Variants in FRMPD4 observed in about 807,000 individuals in gnomAD.
FRMPD4 encodes FERM and PDZ domain-containing protein 4.
In FRMPD4, 22 loss-of-function variants were observed where a neutral mutation model predicts 94.1. The observed-to-expected ratio is 0.23, with a 90% CI of 0.17 to 0.33. The LOEUF is 0.33. Ranked by LOEUF, FRMPD4 falls within the 10% of genes least tolerant of loss-of-function variation. The probability of loss-of-function intolerance (pLI) is 1.00; values close to 1 mark genes in which losing one functional copy is unlikely to be tolerated. For missense variants in FRMPD4, 1,111 were observed against 1,339.9 expected, an observed-to-expected ratio of 0.83 and a Z score of 2.67; for synonymous variants, 631 against 548.6, an observed-to-expected ratio of 1.15 and a Z score of -2.10.
At chrX:12,359,995 G>C (rs2055959579) in intron 1 of FRMPD4, among the ~76,000 whole-genome samples, 2 of 112,002 alleles carry the variant, frequency 1.8e-5, no homozygotes, top group African/African-American at 6.5e-5. Context: ...AATCACGCTT[G>C]ATGGAGCTGC....
intron 3 of FRMPD4, among the ~76,000 whole-genome samples, chrX:11,898,418 AGTCT>A (rs2053916364): frequency 9.0e-6 from 1 of 111,297 alleles, no homozygotes; most frequent in African/African-American, 3.3e-5. Flanking sequence ...CCTCTTTATC[AGTCT>A]GTCTCCTCTC....
At chrX:11,946,361 T>C (rs1307864448) in intron 3 of FRMPD4, among the ~76,000 whole-genome samples, 1 of 111,846 alleles carries the variant, frequency 8.9e-6, no homozygotes, top group East Asian at 2.8e-4. Context: ...CTAGACACAT[T>C]GTAGGGTTGC....
chrX:12,586,021 G>A (rs1217132510), intron 2 of FRMPD4, among the ~76,000 whole-genome samples: 1 of 112,337 alleles, frequency 8.9e-6, no homozygotes, highest in Non-Finnish European at 1.9e-5. Context: ...ACTTCAGGAA[G>A]AGCCTATTCA....
At chrX:12,512,077 C>G (rs975079940) in intron 2 of FRMPD4, among the ~76,000 whole-genome samples, 2 of 112,075 alleles carry the variant, frequency 1.8e-5, no homozygotes, top group Non-Finnish European at 3.8e-5. Context: ...GCAAAATCTT[C>G]CGTTAGCAAA....
intron 2 of FRMPD4, among the ~76,000 whole-genome samples, chrX:12,568,534 T>C (rs1461996224): frequency 5.3e-5 from 6 of 112,416 alleles, no homozygotes; most frequent in African/African-American, 1.9e-4. Flanking sequence ...TAAAATTCCA[T>C]TGTATATGAT....
intron 3 of FRMPD4, among the ~76,000 whole-genome samples, chrX:12,110,010 A>G (rs890895511): frequency 1.4e-4 from 16 of 112,031 alleles, no homozygotes; most frequent in Non-Finnish European, 2.6e-4. Flanking sequence ...AGCTGGTACC[A>G]TTCCTTCTGA....
chrX:12,200,751 T>C (rs756131720), intron 1 of FRMPD4, among the ~76,000 whole-genome samples: 1 of 112,667 alleles, frequency 8.9e-6, no homozygotes, highest in East Asian at 2.8e-4. Context: ...TCATGATTCA[T>C]ACAACTGTAA....
At chrX:12,313,582 GA>G (rs1292208525) in intron 1 of FRMPD4, among the ~76,000 whole-genome samples, 1 of 112,423 alleles carries the variant, frequency 8.9e-6, no homozygotes, top group African/African-American at 3.2e-5. Context: ...CCAAAACTTT[GA>G]ATTTTGAGAG....
intron 1 of FRMPD4, among the ~76,000 whole-genome samples, chrX:12,292,995 G>T (rs1045647419): frequency 1.4e-4 from 15 of 109,406 alleles, no homozygotes; most frequent in Admixed American, 3.9e-4. Context: ...ATGAGAGCTG[G>T]ATAGTAACTG....
Position 12,473,280 on chromosome X carries a change from GCCCT to G in FRMPD4, c.42-25399_42-25396del, listed in dbSNP as rs2057542090. Among the ~76,000 whole-genome samples the G allele has an allele frequency of 1.8e-5, 2 of 109,666 alleles. 1 individual carries two copies. The highest frequency in any genetic ancestry group is 6.9e-5 in the African/African-American group (2 of 28,888). On this transcript the variant is annotated intron_variant, in intron 1 of 16. Coordinates refer to ENST00000675598, the MANE Select transcript of FRMPD4 (RefSeq NM_001368397.1). ...GCAAATGCTGATTTTGTCACCACCA[GCCCT>G]GCCCTGCCCTACAAGAGCTCCTGAA... is the stretch of plus-strand genomic sequence containing the variant.
At chrX:11,913,973 G>A (rs2054009802) in intron 3 of FRMPD4, among the ~76,000 whole-genome samples, 1 of 111,887 alleles carries the variant, frequency 8.9e-6, no homozygotes, top group Non-Finnish European at 1.9e-5. Flanking sequence ...TTTTAGATTT[G>A]GTAATTGTAG....
intron 3 of FRMPD4, among the ~76,000 whole-genome samples, chrX:11,941,643 G>C (rs2054160613): frequency 1.8e-5 from 2 of 112,232 alleles, no homozygotes; most frequent in Admixed American, 1.9e-4. Context: ...ACCTTAGTTG[G>C]AATAAATCCA....
intron 1 of FRMPD4, among the ~76,000 whole-genome samples, chrX:12,469,670 G>A (rs768396426): frequency 3.3e-4 from 37 of 112,364 alleles, no homozygotes; most frequent in Non-Finnish European, 5.8e-4. Flanking sequence ...CCTTCTTGAA[G>A]TTAAGCACTG....
chrX:11,996,467 G>A (rs1347003946), intron 3 of FRMPD4, among the ~76,000 whole-genome samples: 1 of 112,234 alleles, frequency 8.9e-6, no homozygotes, highest in Non-Finnish European at 1.9e-5. Context: ...GTGACTTTAG[G>A]AAATGCATCT....
chrX:12,372,906 A>G (rs1457554975), intron 1 of FRMPD4, among the ~76,000 whole-genome samples: 2 of 111,845 alleles, frequency 1.8e-5, no homozygotes, highest in Non-Finnish European at 3.8e-5. Context: ...AGGGCCGAAC[A>G]CCATCTTTCT....
At chrX:12,513,065 G>T (rs1364868427) in intron 2 of FRMPD4, among the ~76,000 whole-genome samples, 1 of 111,699 alleles carries the variant, frequency 9.0e-6, no homozygotes, top group African/African-American at 3.3e-5. Flanking sequence ...TTTTAATAGG[G>T]TTGTTTTTTC....
chrX:12,694,593 G>C, intron 9 of FRMPD4, 139 bp downstream of exon 9: 1 of 459,565 alleles, frequency 2.2e-6, no homozygotes, highest in Non-Finnish European at 3.7e-6. Flanking sequence ...ATAATTCTAT[G>C]ATGCTCTTTT....
chrX:12,300,042 A>G (rs1172383822), intron 1 of FRMPD4, among the ~76,000 whole-genome samples: 1 of 112,269 alleles, frequency 8.9e-6, no homozygotes, highest in Non-Finnish European at 1.9e-5. Context: ...GAAGTGGGAC[A>G]CAGTGATTCT....
At chrX:12,392,556 G>A (rs766953850) in intron 1 of FRMPD4, among the ~76,000 whole-genome samples, 9 of 109,601 alleles carry the variant, frequency 8.2e-5, no homozygotes, top group Non-Finnish European at 1.3e-4. Context: ...GGGAGGCTGA[G>A]GCAGGAGAAT....
Sources: allele counts gnomAD v4.1 joint callset (sites outside exome capture counted in the v4.1 genomes callset), GRCh38; gene constraint gnomAD v4.1.1; transcripts MANE v1.5; gene names NCBI Gene and HGNC (gene_info 2026-07-23, HGNC 2026-07-21).